Variants in MARK1 observed in about 807,000 individuals in gnomAD.
The protein encoded by MARK1 is microtubule affinity regulating kinase 1, also known as serine/threonine-protein kinase MARK1.
MARK1 carries 40 observed loss-of-function variants against 96.3 expected under a neutral mutation model. That is an observed-to-expected ratio of 0.42 (90% CI 0.32 to 0.54). The LOEUF (loss-of-function observed/expected upper bound fraction) is 0.54. Among genes scored for constraint, MARK1 ranks in the 20% least tolerant of loss-of-function variants. The pLI, the probability that MARK1 is intolerant of heterozygous loss-of-function variation, is 0.16. For missense variants in MARK1, 719 were observed against 984.6 expected, an observed-to-expected ratio of 0.73 and a Z score of 3.61; for synonymous variants, 317 against 341.2, an observed-to-expected ratio of 0.93 and a Z score of 0.78.
chr1:220,599,752 A>T (rs775679219), intron 4 of MARK1, 46 bp from the exon 5 acceptor site: 18 of 1,048,754 alleles, frequency 1.7e-5, no homozygotes, highest in Non-Finnish European at 2.6e-5. Flanking sequence ...AAGCATATTC[A>T]ATCTGTGCTA....
rs1395453601 is a variant in MARK1, at chr1:220,648,065, A to T, written c.1471-2555A>T. 4.3e-5 allele frequency among the ~76,000 whole-genome samples: 6 copies of T among 140,074 alleles called. No individual in the cohort carries two copies. The East Asian group carries it at 7.9e-4, about 18-fold the overall frequency. 91.9% of individuals were successfully genotyped at this position (140,074 alleles called of 152,430 possible). The stretch of plus-strand genomic sequence containing the variant: ...ACTTATAAAATAAGATTTAAAAATT[A>T]AAAAAAAAAAAGAAACAACATTTTA... On this transcript the variant is annotated intron_variant, in intron 13 of 17. Transcript: ENST00000366917.
At chr1:220,638,680 A>AT (rs1263364232) in intron 13 of MARK1, among the ~76,000 whole-genome samples, 35 of 152,152 alleles carry the variant, frequency 2.3e-4, no homozygotes, top group Admixed American at 2.0e-3. Context: ...CTTATTTATC[A>AT]TTTTTTTAAA....
At chr1:220,568,199 A>G (rs1663197275) in intron 1 of MARK1, among the ~76,000 whole-genome samples, 1 of 152,142 alleles carries the variant, frequency 6.6e-6, no homozygotes, top group East Asian at 1.9e-4. Context: ...TGTTCTTATG[A>G]GGGTGAGAAA....
intron 1 of MARK1, among the ~76,000 whole-genome samples, chr1:220,568,952 G>A (rs768655290): frequency 6.6e-6 from 1 of 152,034 alleles, no homozygotes; most frequent in Non-Finnish European, 1.5e-5. Context: ...AAGGATTGTG[G>A]GAATTTACTT....
At chr1:220,578,386 C>T (rs1664014733) in intron 1 of MARK1, among the ~76,000 whole-genome samples, 1 of 152,174 alleles carries the variant, frequency 6.6e-6, no homozygotes, top group Non-Finnish European at 1.5e-5. Flanking sequence ...AGGATCAGCT[C>T]TCCATTGCAA....
At chr1:220,551,916 C>T (rs368571971) in intron 1 of MARK1, among the ~76,000 whole-genome samples, 7 of 152,176 alleles carry the variant, frequency 4.6e-5, no homozygotes, top group African/African-American at 1.7e-4. Context: ...GTAACCCAAG[C>T]CTTCATTCCT....
At chr1:220,608,975 A>C (rs1666262488) in intron 6 of MARK1, among the ~76,000 whole-genome samples, 1 of 152,184 alleles carries the variant, frequency 6.6e-6, no homozygotes, top group African/African-American at 2.4e-5. Flanking sequence ...TTTACTTCCA[A>C]GTATGTGGAC....
intron 7 of MARK1, among the ~76,000 whole-genome samples, chr1:220,617,687 GA>G (rs1666831931): frequency 6.6e-6 from 1 of 152,130 alleles, no homozygotes; most frequent in Non-Finnish European, 1.5e-5. Context: ...ACATCAAGAA[GA>G]GAATCTAGTT....
intron 1 of MARK1, among the ~76,000 whole-genome samples, chr1:220,531,610 T>C (rs1339794818): frequency 6.6e-6 from 1 of 152,192 alleles, no homozygotes; most frequent in Non-Finnish European, 1.5e-5. Context: ...AGGAATATTA[T>C]AGCACTGATC....
At chr1:220,642,108 G>A (rs1572221185) in intron 13 of MARK1, among the ~76,000 whole-genome samples, 1 of 152,216 alleles carries the variant, frequency 6.6e-6, no homozygotes, top group East Asian at 1.9e-4. Context: ...TGGAAAGGGG[G>A]CTGAAGCCAG....
intron 1 of MARK1, among the ~76,000 whole-genome samples, chr1:220,536,255 A>AT (rs1660673669): frequency 1.3e-5 from 2 of 151,772 alleles, no homozygotes; most frequent in South Asian, 2.1e-4. Context: ...TTATTTATTT[A>AT]TTTTTTTCTT....
chr1:220,643,908 C>T (rs1057051391), intron 13 of MARK1, among the ~76,000 whole-genome samples: 1 of 152,086 alleles, frequency 6.6e-6, no homozygotes, highest in Non-Finnish European at 1.5e-5. Flanking sequence ...TGCAAGAGCT[C>T]CTGAAGGAAG....
At position 220,587,330 on chromosome 1, in the gene MARK1, TC is replaced by T. The variant is rs1664703196; in HGVS notation, c.309+6213del. ...CTCCCTCCCTCTCTCTCTCTTTCTTTCTCTCTCTCTCTCTCTCTCTCTGTCT... is the reference window on the plus strand; with the variant it reads ...CTCCCTCCCTCTCTCTCTCTTTCTTTTCTCTCTCTCTCTCTCTCTCTGTCT... On this transcript the variant is annotated intron_variant, in intron 3 of 17. Coordinates refer to ENST00000366917, the MANE Select transcript of MARK1 (RefSeq NM_018650.5). 1.2e-4 allele frequency among the ~76,000 whole-genome samples: 3 copies of T among 25,332 alleles called. No homozygotes were observed. The East Asian group carries it at 3.2e-3, about 27-fold the overall frequency. 16.6% of individuals were successfully genotyped at this position (25,332 alleles called of 152,430 possible). A position where few individuals can be genotyped will look rare whatever the true frequency, so the allele number is the denominator to read the frequency against.
rs190499062 is a variant in MARK1 at position 220,578,178 on chromosome 1, C to T, written c.52-1176C>T. 2.1e-3 allele frequency among the ~76,000 whole-genome samples: 315 copies of T among 152,298 alleles called. 1 individual carries two copies. The highest frequency in any genetic ancestry group is 3.8e-3 in the Non-Finnish European group (259 of 68,028). ...TTTGTTATTTTGTTTTACTCTTCTT[C>T]AGCAATTTTTTAAGAAGCCAGAGAA... is the stretch of plus-strand genomic sequence containing the variant. On this transcript the variant is annotated intron_variant, in intron 1 of 17. Coordinates refer to ENST00000366917, the MANE Select transcript of MARK1 (RefSeq NM_018650.5).
At chr1:220,585,840 G>A (rs1236635264) in intron 3 of MARK1, among the ~76,000 whole-genome samples, 1 of 152,104 alleles carries the variant, frequency 6.6e-6, no homozygotes, top group Non-Finnish European at 1.5e-5. Flanking sequence ...ATCTATGATT[G>A]TGACTTGGGA....
chr1:220,551,140 T>C lies in MARK1; in HGVS notation c.51+22267T>C, dbSNP rs140037597. On this transcript the variant is annotated intron_variant, in intron 1 of 17. Coordinates refer to ENST00000366917, the MANE Select transcript of MARK1 (RefSeq NM_018650.5). ...CTGGAGGATAAGCTGGTGCCCTTCATTGGAGAGTTGCCCAGGCATCTGGAC... is the reference window on the plus strand; with the variant it reads ...CTGGAGGATAAGCTGGTGCCCTTCACTGGAGAGTTGCCCAGGCATCTGGAC... Among the ~76,000 whole-genome samples the C allele has an allele frequency of 5.7e-3, 870 of 152,338 alleles. 6 individuals carry two copies. The highest frequency in any genetic ancestry group is 0.02 in the African/African-American group (815 of 41,584).
intron 16 of MARK1, 87 bp from the exon 17 acceptor site, chr1:220,657,703 G>A (rs1017766398): frequency 2.1e-5 from 20 of 948,822 alleles, no homozygotes; most frequent in Non-Finnish European, 2.8e-5. Context: ...TGCTCAACAA[G>A]CTAATTTTAA....
At chr1:220,542,795 A>G (rs1485736891) in intron 1 of MARK1, among the ~76,000 whole-genome samples, 1 of 152,074 alleles carries the variant, frequency 6.6e-6, no homozygotes, top group East Asian at 1.9e-4. Flanking sequence ...AATAGATACT[A>G]TTTTGGAGTA....
chr1:220,631,179 G>A (rs754394745), intron 10 of MARK1, 45 bp downstream of exon 10: 6 of 1,359,210 alleles, frequency 4.4e-6, no homozygotes, highest in Non-Finnish European at 6.3e-6. Flanking sequence ...TAGGCAACAA[G>A]TAAGAGTCCT....
Sources: gnomAD v4.1 joint callset for allele counts (sites outside exome capture counted in the v4.1 genomes callset) on GRCh38, gnomAD v4.1.1 for gene constraint, MANE v1.5 for transcripts, NCBI Gene and HGNC (gene_info 2026-07-23, HGNC 2026-07-21) for gene names.